Variants in LRRC4C observed in about 807,000 individuals in gnomAD.
LRRC4C encodes leucine rich repeat containing 4C, also known as leucine-rich repeat-containing protein 4C.
A neutral mutation model predicts 33.6 loss-of-function variants in LRRC4C; 5 were observed. The observed-to-expected ratio is 0.15, with a 90% confidence interval of 0.08 to 0.31. The LOEUF is 0.31. Ranked by LOEUF, LRRC4C falls within the 10% of genes least tolerant of loss-of-function variation. The probability of loss-of-function intolerance (pLI) is 1.00; values close to 1 mark genes in which losing one functional copy is unlikely to be tolerated. For synonymous variants in LRRC4C, 329 were observed against 302.0 expected (o/e 1.09, Z -0.93); for missense variants, 560 against 796.7 (o/e 0.70, Z 3.58).
chr11:40,512,623 G>C (rs1290386086), intron 3 of LRRC4C, among the ~76,000 whole-genome samples: 1 of 152,138 alleles, frequency 6.6e-6, no homozygotes, highest in Non-Finnish European at 1.5e-5. Context: ...TGTAACACCA[G>C]AGCATCTCCT....
intron 2 of LRRC4C, among the ~76,000 whole-genome samples, chr11:40,929,819 T>C (rs1957543901): frequency 6.6e-6 from 1 of 152,190 alleles, no homozygotes; most frequent in Admixed American, 6.5e-5. Context: ...ATGTTACTAA[T>C]GCAATATTTT....
At chr11:40,549,592 T>C (rs1957057507) in intron 3 of LRRC4C, among the ~76,000 whole-genome samples, 1 of 152,130 alleles carries the variant, frequency 6.6e-6, no homozygotes, top group Non-Finnish European at 1.5e-5. Context: ...TAATCAACCA[T>C]GTCTAAGAAA....
At chr11:40,190,334 CT>C (rs1861732681) in intron 5 of LRRC4C, among the ~76,000 whole-genome samples, 1 of 152,090 alleles carries the variant, frequency 6.6e-6, no homozygotes, top group East Asian at 1.9e-4. Context: ...AAATAAAATT[CT>C]TAGGGTGCCA....
At chr11:41,106,520 A>G (rs1941505428) in intron 1 of LRRC4C, among the ~76,000 whole-genome samples, 1 of 152,068 alleles carries the variant, frequency 6.6e-6, no homozygotes, top group Admixed American at 6.6e-5. Flanking sequence ...GTAACAGGTA[A>G]TATCCAGGAC....
chr11:41,346,856 A>G (rs537475578), intron 1 of LRRC4C, among the ~76,000 whole-genome samples: 1 of 152,336 alleles, frequency 6.6e-6, no homozygotes, highest in African/African-American at 2.4e-5. Context: ...CAAATTAAAA[A>G]GGGGCCATGT....
intron 1 of LRRC4C, among the ~76,000 whole-genome samples, chr11:41,031,767 G>A (rs1856742485): frequency 2.0e-5 from 3 of 152,000 alleles, no homozygotes. Context: ...CCTCAATTTG[G>A]AAAATCATCA....
At chr11:41,139,001 A>T (rs1293924415) in intron 1 of LRRC4C, among the ~76,000 whole-genome samples, 1 of 152,134 alleles carries the variant, frequency 6.6e-6, no homozygotes, top group Non-Finnish European at 1.5e-5. Flanking sequence ...TATGTTTGGA[A>T]GCTATTTGGG....
intron 1 of LRRC4C, among the ~76,000 whole-genome samples, chr11:40,996,875 A>G (rs1854014843): frequency 6.6e-6 from 1 of 152,106 alleles, no homozygotes; most frequent in Non-Finnish European, 1.5e-5. Context: ...GCACCAAACT[A>G]TTCATGAGGG....
intron 1 of LRRC4C, among the ~76,000 whole-genome samples, chr11:41,362,639 A>G (rs1952396304): frequency 6.6e-6 from 1 of 152,160 alleles, no homozygotes; most frequent in Non-Finnish European, 1.5e-5. Flanking sequence ...TCTTAAATTC[A>G]AAGTTCTTCT....
chr11:40,573,363 T>C (rs1474094174), intron 3 of LRRC4C, among the ~76,000 whole-genome samples: 1 of 152,214 alleles, frequency 6.6e-6, no homozygotes, highest in Non-Finnish European at 1.5e-5. Flanking sequence ...ATGTTCATCC[T>C]TTATAGCCTC....
intron 2 of LRRC4C, among the ~76,000 whole-genome samples, chr11:40,705,541 C>CT (rs1175946879): frequency 6.6e-6 from 1 of 150,378 alleles, no homozygotes; most frequent in African/African-American, 2.4e-5. Context: ...TGAACTCATT[C>CT]TTTTTTATGC....
chr11:41,068,270 A>C (rs889955707), intron 1 of LRRC4C, among the ~76,000 whole-genome samples: 8 of 152,012 alleles, frequency 5.3e-5, no homozygotes, highest in African/African-American at 1.9e-4. Context: ...GCAAGTTCCT[A>C]TAATTCCAGC....
At chr11:41,385,799 C>T (rs1246109697) in intron 1 of LRRC4C, among the ~76,000 whole-genome samples, 1 of 151,472 alleles carries the variant, frequency 6.6e-6, no homozygotes, top group Non-Finnish European at 1.5e-5. Flanking sequence ...AAGATAGTTA[C>T]CCTGCAGGAC....
At chr11:41,065,808 C>T (rs779076782) in intron 1 of LRRC4C, among the ~76,000 whole-genome samples, 11 of 152,100 alleles carry the variant, frequency 7.2e-5, no homozygotes, top group Non-Finnish European at 1.5e-4. Context: ...CTGCAGCAGA[C>T]GTGCCGAAGA....
intron 1 of LRRC4C, among the ~76,000 whole-genome samples, chr11:41,262,613 A>T (rs1394759788): frequency 5.3e-5 from 8 of 152,122 alleles, no homozygotes; most frequent in African/African-American, 1.9e-4. Context: ...CCAAGAAAAC[A>T]TCTACTCTGT....
At chr11:40,370,328 G>A (rs780317604) in intron 3 of LRRC4C, among the ~76,000 whole-genome samples, 7 of 152,104 alleles carry the variant, frequency 4.6e-5, no homozygotes, top group East Asian at 3.9e-4. Context: ...TAAAACACTC[G>A]CTGAAACGAC....
At chr11:40,258,218 G>A (rs1163819230) in intron 4 of LRRC4C, among the ~76,000 whole-genome samples, 1 of 152,044 alleles carries the variant, frequency 6.6e-6, no homozygotes, top group Non-Finnish European at 1.5e-5. Flanking sequence ...CTTCACGTTT[G>A]GATTTGGATC....
At position 40,674,407 on chromosome 11, in the gene LRRC4C, C is replaced by G. The variant is rs924807159; in HGVS notation, c.-406-26129G>C. ...GAAAAGTAGAAGAGAGCAATAAAAT[C>G]TAGCATGTTGTTCTGAAGAATAACA... On this transcript the variant is annotated intron_variant, in intron 2 of 6. Transcript: ENST00000528697. 1.8e-4 allele frequency among the ~76,000 whole-genome samples: 28 copies of G among 152,146 alleles called. 1 individual carries two copies. The highest frequency in any genetic ancestry group is 6.8e-4 in the African/African-American group (28 of 41,444).
At chr11:40,375,459 G>A (rs983666619) in intron 3 of LRRC4C, among the ~76,000 whole-genome samples, 3 of 152,074 alleles carry the variant, frequency 2.0e-5, no homozygotes, top group Non-Finnish European at 4.4e-5. Flanking sequence ...GACACAAAAT[G>A]AGCTTAATAA....
Sources: gnomAD v4.1 joint callset for allele counts (sites outside exome capture counted in the v4.1 genomes callset) on GRCh38, gnomAD v4.1.1 for gene constraint, MANE v1.5 for transcripts, NCBI Gene and HGNC (gene_info 2026-07-23, HGNC 2026-07-21) for gene names.